The following SNTG1 variants were observed in gnomAD, a reference collection of about 807,000 sequenced individuals.
SNTG1 encodes the protein gamma-1-syntrophin.
In SNTG1, 39 loss-of-function variants were observed where a neutral mutation model predicts 74.7. The observed-to-expected ratio is 0.52, with a 90% CI of 0.40 to 0.68. The LOEUF (loss-of-function observed/expected upper bound fraction) is 0.68. SNTG1 is among the 30% of genes least tolerant of loss of function. The probability of loss-of-function intolerance (pLI) is 0.00; values close to 1 mark genes in which losing one functional copy is unlikely to be tolerated. For missense variants in SNTG1, 685 were observed against 609.5 expected (o/e 1.12, Z -1.30); for synonymous variants, 254 against 217.1 (o/e 1.17, Z -1.49).
chr8:50,525,464 C>A, intron 9 of SNTG1, among the ~76,000 whole-genome samples: 1 of 152,096 alleles, frequency 6.6e-6, no homozygotes, highest in Admixed American at 6.6e-5. Context: ...TGAATAAGCT[C>A]TCTGCCCATC....
intron 11 of SNTG1, among the ~76,000 whole-genome samples, chr8:50,546,527 C>G (rs569123030): frequency 1.5e-5 from 2 of 132,948 alleles, no homozygotes; most frequent in Non-Finnish European, 3.2e-5. Flanking sequence ...TGCTCTCCCT[C>G]CCCCCTCCCC....
chr8:50,067,788 A>G (rs909710752), intron 1 of SNTG1, among the ~76,000 whole-genome samples: 3 of 152,118 alleles, frequency 2.0e-5, no homozygotes, highest in African/African-American at 7.2e-5. Flanking sequence ...GCTTAGGGTC[A>G]CCCACAGATG....
chr8:50,001,865 C>CTT (rs1367788569), intron 1 of SNTG1, among the ~76,000 whole-genome samples: 1 of 152,040 alleles, frequency 6.6e-6, no homozygotes, highest in Non-Finnish European at 1.5e-5. Context: ...ATTTATACAA[C>CTT]CTTCTTAGGA....
intron 17 of SNTG1, among the ~76,000 whole-genome samples, chr8:50,730,618 T>C (rs1172002486): frequency 6.6e-6 from 1 of 152,120 alleles, no homozygotes. Context: ...CATTGAAAAA[T>C]CATTATAGAC....
At chr8:50,478,352 A>G (rs1316020340) in intron 8 of SNTG1, among the ~76,000 whole-genome samples, 1 of 152,142 alleles carries the variant, frequency 6.6e-6, no homozygotes, top group African/African-American at 2.4e-5. Flanking sequence ...ATTATTTTTA[A>G]TGACAGGTTT....
chr8:50,220,734 T>C (rs1209804817), intron 2 of SNTG1, among the ~76,000 whole-genome samples: 1 of 152,148 alleles, frequency 6.6e-6, no homozygotes, highest in Non-Finnish European at 1.5e-5. Context: ...CCCTGGCACT[T>C]GTTTCTAGTT....
At chr8:50,709,207 A>G (rs769532342) in intron 17 of SNTG1, 8 of 532,726 alleles carry the variant, frequency 1.5e-5, no homozygotes, top group Non-Finnish European at 2.7e-5. Flanking sequence ...GTATTTATTT[A>G]TAAGTCTATC....
chr8:49,938,356 G>A lies in SNTG1; in HGVS notation c.-103+26125G>A, dbSNP rs561136636. Among the ~76,000 whole-genome samples, 13 of 152,248 alleles carry A rather than the reference G, an allele frequency of 8.5e-5. No homozygotes were observed. The South Asian group carries it at 1.9e-3, about 22-fold the overall frequency. ...ATCCACATAATAATCCTAGAAGGTAGATAATAATTATAATCCCCACTATTT... is the reference window on the plus strand; with the variant it reads ...ATCCACATAATAATCCTAGAAGGTAAATAATAATTATAATCCCCACTATTT... On this transcript the variant is annotated intron_variant, in intron 1 of 18. Transcript: ENST00000642720.
At chr8:50,375,972 G>A (rs1024269582) in intron 2 of SNTG1, among the ~76,000 whole-genome samples, 3 of 152,142 alleles carry the variant, frequency 2.0e-5, no homozygotes, top group Non-Finnish European at 4.4e-5. Flanking sequence ...TCAGGGGAAA[G>A]GCAAATAAAT....
At chr8:50,674,534 T>C (rs2095300963) in intron 15 of SNTG1, among the ~76,000 whole-genome samples, 1 of 152,130 alleles carries the variant, frequency 6.6e-6, no homozygotes, top group South Asian at 2.1e-4. Flanking sequence ...CTTTAACCTT[T>C]TTTTGTTGTG....
Position 50,547,380 on chromosome 8 carries a change from T to C in SNTG1, c.681-5670T>C, listed in dbSNP as rs146145229. 4.9e-3 allele frequency among the ~76,000 whole-genome samples: 748 copies of C among 152,290 alleles called. 5 individuals are homozygous for C. Among genetic ancestry groups the C allele is most frequent in the Non-Finnish European group, 5.9e-3 (401 of 68,018 alleles). ...GTCTGGCATAAACCTCTTCACTTGT[T>C]CTTACACAATTATGTAGGGGATTAA... is the stretch of plus-strand genomic sequence containing the variant. On this transcript the variant is annotated intron_variant, in intron 11 of 18. Transcript: ENST00000642720.
chr8:50,784,298 C>CAG (rs1170944575), intron 18 of SNTG1, among the ~76,000 whole-genome samples: 15 of 151,958 alleles, frequency 9.9e-5, no homozygotes, highest in African/African-American at 3.6e-4. Flanking sequence ...TAGAATTATC[C>CAG]AAGCTTTATA....
At chr8:50,562,358 A>C (rs1012469326) in intron 12 of SNTG1, among the ~76,000 whole-genome samples, 14 of 152,236 alleles carry the variant, frequency 9.2e-5, no homozygotes, top group African/African-American at 3.4e-4. Context: ...ATTCTCTACA[A>C]GTGTAAGAAG....
intron 1 of SNTG1, among the ~76,000 whole-genome samples, chr8:49,967,555 T>C (rs1008179744): frequency 2.0e-5 from 3 of 150,692 alleles, no homozygotes; most frequent in African/African-American, 7.3e-5. Context: ...TATTATAATA[T>C]ATAAACTTTG....
chr8:50,698,545 T>C (rs947686321), intron 15 of SNTG1, among the ~76,000 whole-genome samples: 1 of 152,074 alleles, frequency 6.6e-6, no homozygotes, highest in African/African-American at 2.4e-5. Context: ...GCCCATGCCA[T>C]ACTTGATTCT....
intron 8 of SNTG1, among the ~76,000 whole-genome samples, chr8:50,496,805 C>T (rs756666980): frequency 2.0e-5 from 3 of 152,026 alleles, no homozygotes; most frequent in Non-Finnish European, 4.4e-5. Context: ...AAATTCACAA[C>T]ATTTTATTTG....
intron 2 of SNTG1, among the ~76,000 whole-genome samples, chr8:50,213,542 A>G (rs1170649122): frequency 2.0e-5 from 3 of 152,188 alleles, no homozygotes; most frequent in Non-Finnish European, 2.9e-5. Flanking sequence ...GCATTAGAAA[A>G]AAATCAAAAT....
At chr8:50,152,615 C>T (rs2082108865) in intron 1 of SNTG1, among the ~76,000 whole-genome samples, 2 of 152,152 alleles carry the variant, frequency 1.3e-5, no homozygotes, top group Non-Finnish European at 2.9e-5. Context: ...GTGAGAAAAT[C>T]TCTCAGCATT....
intron 1 of SNTG1, among the ~76,000 whole-genome samples, chr8:50,166,112 A>G (rs2082607845): frequency 1.2e-5 from 1 of 83,606 alleles, no homozygotes; most frequent in Non-Finnish European, 2.4e-5. Context: ...CCTTATACAA[A>G]AATCAATTCA....
Sources: allele counts gnomAD v4.1 joint callset (sites outside exome capture counted in the v4.1 genomes callset), GRCh38; gene constraint gnomAD v4.1.1; transcripts MANE v1.5; gene names NCBI Gene and HGNC (gene_info 2026-07-23, HGNC 2026-07-21).